SGCD: variants seen among roughly 807,000 people sequenced by gnomAD.
SGCD encodes the protein delta-sarcoglycan.
Under a neutral mutation model 36.6 loss-of-function variants are expected in SGCD, and 18 were observed. The observed-to-expected ratio is 0.49, with a 90% CI of 0.34 to 0.73. SGCD has a LOEUF of 0.73. SGCD is among the 30% of genes least tolerant of loss of function. The pLI, the probability that SGCD is intolerant of heterozygous loss-of-function variation, is 0.01. For missense variants in SGCD, 387 were observed against 346.7 expected (o/e 1.12, Z -0.92); for synonymous variants, 133 against 130.6 (o/e 1.02, Z -0.12).
chr5:156,641,133 C>A (rs185246), intron 6 of SGCD, among the ~76,000 whole-genome samples: 47,261 of 152,036 alleles, frequency 0.31, 8,835 homozygotes, highest in African/African-American at 0.53. Context: ...GAGAAGGCCA[C>A]AAATTCATGT....
the SGCD span, among the ~76,000 whole-genome samples, chr5:155,748,164 G>T: frequency 1.4e-5 from 2 of 144,592 alleles, no homozygotes; most frequent in Non-Finnish European, 3.0e-5. Context: ...ACCTTCCCTT[G>T]TACTGTTTGA....
the SGCD span, among the ~76,000 whole-genome samples, chr5:155,846,758 A>G: frequency 1.3e-5 from 2 of 152,206 alleles, no homozygotes; most frequent in East Asian, 3.8e-4. Flanking sequence ...ATGGAAAATA[A>G]TATTCTGCTT....
At chr5:156,488,091 A>C (rs1755773955) in intron 3 of SGCD, among the ~76,000 whole-genome samples, 1 of 132,376 alleles carries the variant, frequency 7.6e-6, no homozygotes, top group Admixed American at 7.9e-5. Flanking sequence ...TCTGAACTTG[A>C]AGACAGGTTT....
chr5:156,374,746 C>T (rs535227664), intron 3 of SGCD, among the ~76,000 whole-genome samples: 58 of 148,974 alleles, frequency 3.9e-4, no homozygotes, highest in Non-Finnish European at 6.9e-4. Flanking sequence ...ACTGCAAGCT[C>T]CGCCTCCCAG....
chr5:156,377,094 C>T lies in SGCD; in HGVS notation c.192+32417C>T, dbSNP rs536330338. Reference sequence around the variant, plus strand: ...CAGAGAAAAAAAAGTCATGTAAAATCCCAAACCTCTATTTTAAAAAATAAA... The same window carrying T: ...CAGAGAAAAAAAAGTCATGTAAAATTCCAAACCTCTATTTTAAAAAATAAA... On this transcript the variant is annotated intron_variant, in intron 3 of 8. Coordinates refer to ENST00000337851, the MANE Select transcript of SGCD (RefSeq NM_000337.6). Among the ~76,000 whole-genome samples the T allele has an allele frequency of 3.1e-4, 47 of 152,060 alleles. No individual in the cohort carries two copies. The South Asian group carries it at 8.3e-3, about 27-fold the overall frequency.
intron 6 of SGCD, among the ~76,000 whole-genome samples, chr5:156,606,720 C>A (rs1387160710): frequency 6.6e-6 from 1 of 152,158 alleles, no homozygotes; most frequent in African/African-American, 2.4e-5. Context: ...TCTTTTATTT[C>A]ATTGAGCAGT....
intron 4 of SGCD, among the ~76,000 whole-genome samples, chr5:156,553,474 A>G (rs1464492725): frequency 6.6e-6 from 1 of 152,158 alleles, no homozygotes; most frequent in African/African-American, 2.4e-5. Flanking sequence ...TAATTCATAT[A>G]ACATAAAATT....
intron 3 of SGCD, 117 bp downstream of exon 3, chr5:156,344,794 C>T: frequency 2.8e-6 from 2 of 710,010 alleles, no homozygotes; most frequent in Non-Finnish European, 4.6e-6. Flanking sequence ...AAATCTGTAA[C>T]CTCGTGTTTT....
chr5:156,020,392 C>T (rs1759072185), intron 1 of SGCD, among the ~76,000 whole-genome samples: 1 of 152,144 alleles, frequency 6.6e-6, no homozygotes, highest in Non-Finnish European at 1.5e-5. Flanking sequence ...TAGGGCTATA[C>T]TGTCACTTGG....
At chr5:156,082,745 A>G (rs1043745849) in intron 1 of SGCD, among the ~76,000 whole-genome samples, 1 of 152,256 alleles carries the variant, frequency 6.6e-6, no homozygotes, top group East Asian at 1.9e-4. Flanking sequence ...TCTGAAATAC[A>G]TCAGGATCGC....
intron 3 of SGCD, among the ~76,000 whole-genome samples, chr5:156,146,549 C>T (rs10078170): frequency 0.73 from 111,763 of 152,100 alleles, 42,117 homozygotes; most frequent in East Asian, 0.95. Flanking sequence ...AAGGTTTAGA[C>T]ATATTACTTA....
intron 1 of SGCD, among the ~76,000 whole-genome samples, chr5:155,916,477 G>A (rs1277591701): frequency 6.6e-6 from 1 of 152,056 alleles, no homozygotes; most frequent in Non-Finnish European, 1.5e-5. Flanking sequence ...GCATGGCCTG[G>A]GGTAGTCTTG....
At chr5:156,089,067 G>A (rs1761173088) in intron 1 of SGCD, among the ~76,000 whole-genome samples, 1 of 152,180 alleles carries the variant, frequency 6.6e-6, no homozygotes, top group South Asian at 2.1e-4. Context: ...CATCTGTGGA[G>A]TAGGCAGACC....
At chr5:155,912,352 C>T (rs1209515284) in intron 1 of SGCD, among the ~76,000 whole-genome samples, 4 of 152,114 alleles carry the variant, frequency 2.6e-5, no homozygotes, top group Non-Finnish European at 5.9e-5. Flanking sequence ...ACCTTCAAAG[C>T]GTTTCTTGTG....
intron 3 of SGCD, among the ~76,000 whole-genome samples, chr5:156,412,504 T>G (rs184543794): frequency 1.5e-4 from 23 of 152,320 alleles, no homozygotes; most frequent in Non-Finnish European, 3.2e-4. Flanking sequence ...AATAAAATCC[T>G]ACTGGATTAG....
the SGCD span, among the ~76,000 whole-genome samples, chr5:155,864,580 T>C: frequency 6.6e-6 from 1 of 152,212 alleles, no homozygotes; most frequent in African/African-American, 2.4e-5. Flanking sequence ...TATTTGAGAT[T>C]TACTGTTGCA....
chr5:156,743,923 T>C (rs1399921966), intron 7 of SGCD, among the ~76,000 whole-genome samples: 1 of 152,230 alleles, frequency 6.6e-6, no homozygotes, highest in African/African-American at 2.4e-5. Flanking sequence ...TTCTTCCTAT[T>C]TTCTGGTGCT....
At chr5:156,647,345 A>G in intron 6 of SGCD, 119 bp from the exon 7 acceptor site, 1 of 597,424 alleles carries the variant, frequency 1.7e-6, no homozygotes, top group Non-Finnish European at 3.0e-6. Flanking sequence ...GTGGAAAAAT[A>G]TGTGGGTATG....
intron 3 of SGCD, among the ~76,000 whole-genome samples, chr5:156,214,186 G>T (rs1051731800): frequency 6.6e-6 from 1 of 151,778 alleles, no homozygotes; most frequent in African/African-American, 2.4e-5. Flanking sequence ...CAGATATCAG[G>T]ATCTTAATAC....
Sources: gnomAD v4.1 joint callset for allele counts (sites outside exome capture counted in the v4.1 genomes callset) on GRCh38, gnomAD v4.1.1 for gene constraint, MANE v1.5 for transcripts, NCBI Gene and HGNC (gene_info 2026-07-23, HGNC 2026-07-21) for gene names.